RNU4ATAC: variants seen among roughly 807,000 people sequenced by gnomAD.
RNU4ATAC encodes RNA, U4atac small nuclear, also known as RNA, U4atac small nuclear (U12-dependent splicing).
In RNU4ATAC at chr2:121,530,924, A is replaced by C. The variant is rs551370385; in HGVS notation, n.44A>C. On this transcript the variant is annotated non_coding_transcript_exon_variant, in exon 1 of 1. Coordinates refer to ENST00000580972, the Ensembl canonical transcript of RNU4ATAC. ...TTGCGCTACTGTCCAATGAGCGCAT[A>C]GTGAGGGCAGTACTGCTAACGCCTG... is the stretch of plus-strand genomic sequence containing the variant. 255 of 699,986 alleles carry C rather than the reference A, an allele frequency of 3.6e-4. No individual in the cohort carries two copies. The highest frequency in any genetic ancestry group is 3.6e-3 in the South Asian group (245 of 67,498). 43.4% of individuals were successfully genotyped at this position (699,986 alleles called of 1,614,324 possible).
Position 121,530,889 on chromosome 2 carries a change from TTTC to T in RNU4ATAC, n.12_14del, listed in dbSNP as rs1559533185. ...AGGGACTTTCTATTATAACCATCCT[TTTC>T]TTGGGGTTGCGCTACTGTCCAATGA... On this transcript the variant is annotated non_coding_transcript_exon_variant, in exon 1 of 1. Transcript: ENST00000580972. 7.2e-6 allele frequency: 5 copies of T among 693,524 alleles called. No homozygotes were observed. The highest frequency in any genetic ancestry group is 1.3e-5 in the Non-Finnish European group (5 of 379,420). 43.0% of individuals were successfully genotyped at this position (693,524 alleles called of 1,614,324 possible).
Position 121,530,972 on chromosome 2 carries a change from G to A in RNU4ATAC, n.92G>A, listed in dbSNP as rs367638364. The A allele has an allele frequency of 1.4e-3, 983 of 700,364 alleles. 17 individuals carry two copies. The highest frequency in any genetic ancestry group is 0.012 in the South Asian group (805 of 67,498). The allele number at this position is 700,364 out of a possible 1,614,324, so 43.4% of individuals were successfully genotyped here. ...CTGAACAACACACCCGCATCAACTA[G>A]AGCTTTTGCTTTATTTTGGTGCAAT... On this transcript the variant is annotated non_coding_transcript_exon_variant, in exon 1 of 1. Transcript: ENST00000580972.
exon 1 of RNU4ATAC, chr2:121,530,963 C>A (rs916717603): frequency 1.4e-6 from 1 of 700,430 alleles, no homozygotes; most frequent in South Asian, 1.5e-5. Context: ...AACACACCCG[C>A]ATCAACTAGA....
chr2:121,531,000 T>G lies in RNU4ATAC; in HGVS notation n.120T>G, dbSNP rs905928272. On this transcript the variant is annotated non_coding_transcript_exon_variant, in exon 1 of 1. Transcript: ENST00000580972. The stretch of plus-strand genomic sequence containing the variant: ...CTTTTGCTTTATTTTGGTGCAATTT[T>G]TGGAAAAATGAAAACCTGTTTTCAT... The G allele has an allele frequency of 1.0e-5, 7 of 700,158 alleles. No homozygotes were observed. Among genetic ancestry groups the G allele is most frequent in the African/African-American group, 1.8e-5 (1 of 57,138 alleles). 43.4% of individuals were successfully genotyped at this position (700,158 alleles called of 1,614,324 possible). A position where few individuals can be genotyped will look rare whatever the true frequency, so the allele number is the denominator to read the frequency against.
chr2:121,530,914 A>AT, exon 1 of RNU4ATAC: 1 of 699,338 alleles, frequency 1.4e-6, no homozygotes, highest in East Asian at 2.7e-5. Context: ...CTACTGTCCA[A>AT]TGAGCGCATA....
rs915710819 is a variant in RNU4ATAC, at chr2:121,530,906, A to G, written n.26A>G. 27 of 697,638 alleles carry G rather than the reference A, an allele frequency of 3.9e-5. No individual in the cohort carries two copies. Among genetic ancestry groups the G allele is most frequent in the South Asian group, 7.4e-5 (5 of 67,430 alleles). The allele number at this position is 697,638 out of a possible 1,614,324, so 43.2% of individuals were successfully genotyped here. A position where few individuals can be genotyped will look rare whatever the true frequency, so the allele number is the denominator to read the frequency against. ...ACCATCCTTTTCTTGGGGTTGCGCT[A>G]CTGTCCAATGAGCGCATAGTGAGGG... On this transcript the variant is annotated non_coding_transcript_exon_variant, in exon 1 of 1. Transcript: ENST00000580972.
exon 1 of RNU4ATAC, chr2:121,530,940 C>CT (rs2094795171): frequency 8.6e-6 from 6 of 700,408 alleles, no homozygotes; most frequent in Non-Finnish European, 1.3e-5. Flanking sequence ...GGCAGTACTG[C>CT]TAACGCCTGA....
In RNU4ATAC at chr2:121,530,894, T is replaced by TG. The variant is rs761483970; in HGVS notation, n.18dup. 3.5e-5 allele frequency: 24 copies of TG among 694,024 alleles called. No homozygotes were observed. Among genetic ancestry groups the TG allele is most frequent in the South Asian group, 1.2e-4 (8 of 67,282 alleles). 43.0% of individuals were successfully genotyped at this position (694,024 alleles called of 1,614,324 possible). A position where few individuals can be genotyped will look rare whatever the true frequency, so the allele number is the denominator to read the frequency against. ...CTTTCTATTATAACCATCCTTTTCT[T>TG]GGGGTTGCGCTACTGTCCAATGAGC... On this transcript the variant is annotated non_coding_transcript_exon_variant, in exon 1 of 1. Transcript: ENST00000580972.
At chr2:121,530,992 T>G (rs1226373096) in exon 1 of RNU4ATAC, 6 of 700,350 alleles carry the variant, frequency 8.6e-6, no homozygotes, top group South Asian at 1.5e-5. Flanking sequence ...TTTATTTTGG[T>G]GCAATTTTTG....
rs374299350 is a variant in RNU4ATAC at position 121,530,909 on chromosome 2, G to C, written n.29G>C. 4.3e-6 allele frequency: 3 copies of C among 699,036 alleles called. No individual in the cohort carries two copies. Among genetic ancestry groups the C allele is most frequent in the South Asian group, 3.0e-5 (2 of 67,466 alleles). 43.3% of individuals were successfully genotyped at this position (699,036 alleles called of 1,614,324 possible). On this transcript the variant is annotated non_coding_transcript_exon_variant, in exon 1 of 1. Transcript: ENST00000580972. ...ATCCTTTTCTTGGGGTTGCGCTACT[G>C]TCCAATGAGCGCATAGTGAGGGCAG...
exon 1 of RNU4ATAC, chr2:121,530,938 T>G: frequency 1.4e-6 from 1 of 700,434 alleles, no homozygotes; most frequent in South Asian, 1.5e-5. Flanking sequence ...AGGGCAGTAC[T>G]GCTAACGCCT....
chr2:121,530,995 A>T lies in RNU4ATAC; in HGVS notation n.115A>T, dbSNP rs982261295. On this transcript the variant is annotated non_coding_transcript_exon_variant, in exon 1 of 1. Transcript: ENST00000580972. ...TAGAGCTTTTGCTTTATTTTGGTGCAATTTTTGGAAAAATGAAAACCTGTT... is the reference window on the plus strand; with the variant it reads ...TAGAGCTTTTGCTTTATTTTGGTGCTATTTTTGGAAAAATGAAAACCTGTT... 7.1e-6 allele frequency: 5 copies of T among 700,280 alleles called. No homozygotes were observed. Among genetic ancestry groups the T allele is most frequent in the South Asian group, 3.0e-5 (2 of 67,502 alleles). The allele number at this position is 700,280 out of a possible 1,614,324, so 43.4% of individuals were successfully genotyped here.
exon 1 of RNU4ATAC, chr2:121,530,913 A>T (rs528106770): frequency 4.3e-6 from 3 of 699,340 alleles, no homozygotes; most frequent in East Asian, 5.4e-5. Context: ...GCTACTGTCC[A>T]ATGAGCGCAT....
Position 121,530,986 on chromosome 2 carries a change from T to A in RNU4ATAC, n.106T>A, listed in dbSNP as rs572870823. 3.9e-5 allele frequency: 27 copies of A among 699,940 alleles called. No individual in the cohort carries two copies. Among genetic ancestry groups the A allele is most frequent in the South Asian group, 3.7e-4 (25 of 67,196 alleles). The allele number at this position is 699,940 out of a possible 1,614,324, so 43.4% of individuals were successfully genotyped here. ...CGCATCAACTAGAGCTTTTGCTTTATTTTGGTGCAATTTTTGGAAAAATGA... is the reference window on the plus strand; with the variant it reads ...CGCATCAACTAGAGCTTTTGCTTTAATTTGGTGCAATTTTTGGAAAAATGA... On this transcript the variant is annotated non_coding_transcript_exon_variant, in exon 1 of 1. Coordinates refer to ENST00000580972, the Ensembl canonical transcript of RNU4ATAC.
At chr2:121,530,985 A>AT (rs571331160) in exon 1 of RNU4ATAC, 1 of 700,352 alleles carries the variant, frequency 1.4e-6, no homozygotes, top group Non-Finnish European at 2.6e-6. Flanking sequence ...CTTTTGCTTT[A>AT]TTTTGGTGCA....
At position 121,530,962 on chromosome 2, in the gene RNU4ATAC, G is replaced by A. The variant is rs187757075; in HGVS notation, n.82G>A. ...CTGCTAACGCCTGAACAACACACCC[G>A]CATCAACTAGAGCTTTTGCTTTATT... On this transcript the variant is annotated non_coding_transcript_exon_variant, in exon 1 of 1. Coordinates refer to ENST00000580972, the Ensembl canonical transcript of RNU4ATAC. 7.3e-4 allele frequency: 513 copies of A among 700,378 alleles called. No homozygotes were observed. The highest frequency in any genetic ancestry group is 9.8e-4 in the Non-Finnish European group (379 of 384,798). The allele number at this position is 700,378 out of a possible 1,614,324, so 43.4% of individuals were successfully genotyped here.
exon 1 of RNU4ATAC, chr2:121,530,898 G>T (rs563882222): frequency 7.2e-6 from 5 of 695,258 alleles, no homozygotes; most frequent in African/African-American, 1.7e-5. Flanking sequence ...TTTTCTTGGG[G>T]TTGCGCTACT....
In RNU4ATAC at chr2:121,530,956, A is replaced by C. The variant is rs1408741205; in HGVS notation, n.76A>C. ...GCAGTACTGCTAACGCCTGAACAAC[A>C]CACCCGCATCAACTAGAGCTTTTGC... On this transcript the variant is annotated non_coding_transcript_exon_variant, in exon 1 of 1. Coordinates refer to ENST00000580972, the Ensembl canonical transcript of RNU4ATAC. 11 of 700,410 alleles carry C rather than the reference A, an allele frequency of 1.6e-5. No individual in the cohort carries two copies. The highest frequency in any genetic ancestry group is 2.7e-5 in the East Asian group (1 of 37,290). The allele number at this position is 700,410 out of a possible 1,614,324, so 43.4% of individuals were successfully genotyped here.
rs992754936 is a variant in RNU4ATAC at position 121,530,905 on chromosome 2, T to C, written n.25T>C. ...AACCATCCTTTTCTTGGGGTTGCGC[T>C]ACTGTCCAATGAGCGCATAGTGAGG... On this transcript the variant is annotated non_coding_transcript_exon_variant, in exon 1 of 1. Transcript: ENST00000580972. The C allele has an allele frequency of 1.4e-5, 10 of 697,710 alleles. No individual in the cohort carries two copies. The highest frequency in any genetic ancestry group is 2.7e-5 in the East Asian group (1 of 37,188). The allele number at this position is 697,710 out of a possible 1,614,324, so 43.2% of individuals were successfully genotyped here.
Sources: gnomAD v4.1 joint callset for allele counts on GRCh38, gnomAD v4.1.1 for gene constraint, MANE v1.5 for transcripts, NCBI Gene and HGNC (gene_info 2026-07-23, HGNC 2026-07-21) for gene names.